The following CPSF1 variants were observed in gnomAD, a reference collection of about 807,000 sequenced individuals.
The protein encoded by CPSF1 is cleavage and polyadenylation specificity factor subunit 1.
In CPSF1, 106 loss-of-function variants were observed where a neutral mutation model predicts 175.8. That is an observed-to-expected ratio of 0.60 (90% confidence interval 0.52 to 0.71). The LOEUF is 0.71. CPSF1 is among the 30% of genes least tolerant of loss of function. The pLI, the probability that CPSF1 is intolerant of heterozygous loss-of-function variation, is 0.00. For missense variants in CPSF1, 1,734 were observed against 2,022.9 expected (o/e 0.86, Z 2.74); for synonymous variants, 1,024 against 858.3 (o/e 1.19, Z -3.37).
At chr8:144,408,364 A>G (rs1400720840) in intron 2 of CPSF1, among the ~76,000 whole-genome samples, 1 of 152,120 alleles carries the variant, frequency 6.6e-6, no homozygotes, top group Non-Finnish European at 1.5e-5. Flanking sequence ...CAATGGAGAA[A>G]CTGCCTCTTG....
chr8:144,395,965 TGTG>T (rs1489564614), intron 26 of CPSF1: 2 of 384,332 alleles, frequency 5.2e-6, no homozygotes, highest in African/African-American at 4.0e-5. Context: ...GACCTGGTGG[TGTG>T]GTGGCTTAAA....
In CPSF1 at chr8:144,400,016, A is replaced by G; in HGVS notation, c.1007T>C (p.Val336Ala). 6.2e-7 allele frequency: 1 copy of G among 1,611,922 alleles called. No individual in the cohort carries two copies. Residue 336 changes from valine (V) to alanine (A), a missense_variant, in exon 10 of 38, where the codon GTC (valine) becomes GCC (alanine). Around this residue, in one of 10 missense-constraint regions of CPSF1, gnomAD observed 162 missense variants for 169.5 expected, o/e 0.96. Coordinates refer to ENST00000616140, the MANE Select transcript of CPSF1 (RefSeq NM_013291.3). ...CATCTCGCCGCCCTTGAGGGAGATGACCATCTTGTCGTAGGAGATGAAGGT... is the reference window on the plus strand; with the variant it reads ...CATCTCGCCGCCCTTGAGGGAGATGGCCATCTTGTCGTAGGAGATGAAGGT... ...QATFISYDKM[V>A]ISLKGGEIYV... is the part of the protein sequence containing the mutation.
At chr8:144,400,137 C>T (rs2116871737) in intron 9 of CPSF1, 29 bp downstream of exon 9, 4 of 1,127,596 alleles carry the variant, frequency 3.5e-6, no homozygotes, top group African/African-American at 1.7e-5. Context: ...GTCCCCGGGC[C>T]CCCCCCGCCC....
At position 144,399,080 on chromosome 8, in the gene CPSF1, C is replaced by A. The variant is rs2116858240; in HGVS notation, c.1468-42G>T. The stretch of plus-strand genomic sequence containing the variant: ...GGTGAGGACTATGCCCCCCACCCCC[C>A]CTCACACTCCAGCCCCTGCCCCCAG... On this transcript the variant is annotated intron_variant, in intron 15 of 37. Transcript: ENST00000616140. The surrounding 1 kb of genome is among the most constrained non-coding windows in gnomAD (Gnocchi z 6.4). 19 of 1,546,860 alleles carry A rather than the reference C, an allele frequency of 1.2e-5. No homozygotes were observed. The highest frequency in any genetic ancestry group is 7.3e-5 in the East Asian group (3 of 40,860).
intron 2 of CPSF1, among the ~76,000 whole-genome samples, chr8:144,407,994 T>A (rs1821584301): frequency 6.6e-6 from 1 of 152,104 alleles, no homozygotes; most frequent in African/African-American, 2.4e-5. Context: ...GAGCAGAAAC[T>A]CCAGCCCTCG....
At position 144,393,380 on chromosome 8, in the gene CPSF1, A is replaced by AGAGTGGGT. The variant is rs782575869; in HGVS notation, c.4285-16_4285-15insACCCACTC. The stretch of plus-strand genomic sequence containing the variant: ...TCGTCCAGGATCTGCAGGGGATGGA[A>AGAGTGGGT]GGGTGGGTGGGTGGGTGGGTGGGGA... On this transcript the variant is annotated splice_polypyrimidine_tract_variant and intron_variant, in intron 37 of 37. Coordinates refer to ENST00000616140, the MANE Select transcript of CPSF1 (RefSeq NM_013291.3). The AGAGTGGGT allele has an allele frequency of 6.2e-4, 310 of 498,736 alleles. 2 individuals carry two copies. Among genetic ancestry groups the AGAGTGGGT allele is most frequent in the Middle Eastern group, 2.6e-3 (4 of 1,534 alleles). 30.9% of individuals were successfully genotyped at this position (498,736 alleles called of 1,614,324 possible). A position where few individuals can be genotyped will look rare whatever the true frequency, so the allele number is the denominator to read the frequency against.
chr8:144,404,792 C>G (rs1483289972), intron 2 of CPSF1, among the ~76,000 whole-genome samples: 1 of 151,924 alleles, frequency 6.6e-6, no homozygotes, highest in Admixed American at 6.6e-5. Context: ...CGTGGTGGCT[C>G]ACGCCTGTAA....
In CPSF1 at chr8:144,393,544, C is replaced by T; in HGVS notation, c.4192G>A (p.Val1398Met). 4.4e-6 allele frequency: 7 copies of T among 1,602,192 alleles called. No individual in the cohort carries two copies. The highest frequency in any genetic ancestry group is 6.0e-6 in the Non-Finnish European group (7 of 1,176,276). Residue 1398 changes from valine (V) to methionine (M), a missense_variant, in exon 37 of 38, where the codon GTG becomes ATG. Coordinates refer to ENST00000616140, the MANE Select transcript of CPSF1 (RefSeq NM_013291.3). ...CGGTTGAGCAGCTCCCCATCCAGCA[C>T]GTTGCGCACGGCATTCTGGAGGGTG... The part of the protein sequence containing the change: ...RRTLQNAVRN[V>M]LDGELLNRYL...
rs2116854107 is a variant in CPSF1, at chr8:144,398,737, C to A, written c.1638+42G>T. 3.8e-6 allele frequency: 6 copies of A among 1,590,436 alleles called. No individual in the cohort carries two copies. The African/African-American group carries it at 8.1e-5, about 21-fold the overall frequency. On this transcript the variant is annotated intron_variant, in intron 17 of 37. Transcript: ENST00000616140. ...CCCCCGGCCTATGAGAAGGCAGCGC[C>A]GGTCCCATCCCAGGGCCTCCCTGCA...
chr8:144,401,422 C>T lies in CPSF1; in HGVS notation c.306+8G>A. The T allele has an allele frequency of 6.2e-7, 1 of 1,613,980 alleles. No individual in the cohort carries two copies. The highest frequency in any genetic ancestry group is 1.1e-5 in the South Asian group (1 of 91,084). On this transcript the variant is annotated splice_region_variant and intron_variant, in intron 4 of 37. Transcript: ENST00000616140. ...GGCCAGGCCTACCCCACCAAGCCTA[C>T]CACTCACCTTGGCATCCTTGAAGCT...
Position 144,400,947 on chromosome 8 carries a change from C to T in CPSF1, c.516G>A (p.Glu172=). 1 of 1,606,322 alleles carries T rather than the reference C, an allele frequency of 6.2e-7. No individual in the cohort carries two copies. Residue 172 remains glutamate (E), a synonymous_variant, in exon 6 of 38, where the codon GAG becomes GAA. Coordinates refer to ENST00000616140, the MANE Select transcript of CPSF1 (RefSeq NM_013291.3). ...ACCCCTCACCCACGAGCCCCTCGTGCTCCTCAGCCAGGCTCTCCCTGCGGA... is the reference window on the plus strand; with the variant it reads ...ACCCCTCACCCACGAGCCCCTCGTGTTCCTCAGCCAGGCTCTCCCTGCGGA... ...LPFRRESLAE[E]HEGLVGEGQR...
In CPSF1 at chr8:144,395,366, G is replaced by A. The variant is rs782234106; in HGVS notation, c.3097-11C>T. 2.5e-6 allele frequency: 4 copies of A among 1,613,240 alleles called. No homozygotes were observed. In the African/African-American group the frequency reaches 4.0e-5, roughly 16 times the overall value. Reference sequence around the variant, plus strand: ...GGCCACAGCATACACCTGTGGGTTAGTGAGGGTCACACACCAGTGGCCCGG... The same window carrying A: ...GGCCACAGCATACACCTGTGGGTTAATGAGGGTCACACACCAGTGGCCCGG... On this transcript the variant is annotated splice_polypyrimidine_tract_variant and intron_variant, in intron 27 of 37. Transcript: ENST00000616140.
intron 21 of CPSF1, 30 bp from the exon 22 acceptor site, chr8:144,397,691 C>A: frequency 6.4e-7 from 1 of 1,563,532 alleles, no homozygotes; most frequent in Non-Finnish European, 8.7e-7. Context: ...CATGGGCGGC[C>A]TGCCAGCCCC....
Position 144,397,801 on chromosome 8 carries a change from G to C in CPSF1, c.2152C>G (p.Arg718Gly). Residue 718 changes from arginine to glycine, a missense_variant, in exon 21 of 38, where the codon CGT (arginine) becomes GGT (glycine). By Grantham distance (125) the Arg-to-Gly change is moderately radical. This residue lies in a region of CPSF1 where 585 missense variants were observed against 584.7 expected (regional missense o/e 1.00). Coordinates refer to ENST00000616140, the MANE Select transcript of CPSF1 (RefSeq NM_013291.3). The stretch of plus-strand genomic sequence containing the variant: ...CCACTGCGGCCCCCGAGCTCGTCAC[G>C]GGCCCCACCCAGGCGGCTCTCAGTG... The part of the protein sequence containing the change: ...FTTESRLGGA[R>G]DELGGRSGPE... The C allele has an allele frequency of 6.2e-7, 1 of 1,610,706 alleles. No individual in the cohort carries two copies. Among genetic ancestry groups the C allele is most frequent in the East Asian group, 2.2e-5 (1 of 44,838 alleles).
At chr8:144,397,005 G>A (rs1820806901) in intron 23 of CPSF1, 76 bp from the exon 24 acceptor site, 1 of 1,175,222 alleles carries the variant, frequency 8.5e-7, no homozygotes, top group African/African-American at 1.5e-5. Flanking sequence ...GAAGAGGTGG[G>A]CTGTGGGTAA....
intron 27 of CPSF1, 27 bp downstream of exon 27, chr8:144,395,408 C>G: frequency 6.3e-7 from 1 of 1,579,778 alleles, no homozygotes; most frequent in East Asian, 2.3e-5. Context: ...CCAGAAGGTC[C>G]CTGGTGGGGT....
At position 144,400,272 on chromosome 8, in the gene CPSF1, C is replaced by T. The variant is rs2116874089; in HGVS notation, c.831G>A (p.Gly277=). 2 of 1,604,064 alleles carry T rather than the reference C, an allele frequency of 1.2e-6. No homozygotes were observed. Among genetic ancestry groups the T allele is most frequent in the Admixed American group, 3.3e-5 (2 of 59,714 alleles). The stretch of plus-strand genomic sequence containing the variant: ...GCGAGTTGACGGCAAACACCACCAC[C>T]CCACCTGGAGGTGGACACAGGCTGG... ...QALAVPKPIG[G]VVVFAVNSLL... The change falls in exon 9 of 38, where the codon GGG becomes GGA. Residue 277 remains glycine, a synonymous_variant. Transcript: ENST00000616140.
intron 2 of CPSF1, 56 bp from the exon 3 acceptor site, chr8:144,401,729 T>C: frequency 6.5e-7 from 1 of 1,545,140 alleles, no homozygotes; most frequent in Non-Finnish European, 8.8e-7. Context: ...GCTCACCTCA[T>C]CCGGGGAACG....
chr8:144,408,294 TG>T (rs1814009305), intron 2 of CPSF1, among the ~76,000 whole-genome samples: 1 of 152,194 alleles, frequency 6.6e-6, no homozygotes. Flanking sequence ...TTCTTCTGCC[TG>T]GAACACCCTC....
Sources: gnomAD v4.1 joint callset for allele counts (sites outside exome capture counted in the v4.1 genomes callset) on GRCh38, gnomAD v4.1.1 for gene constraint, gnomAD v4.1.1 regional missense constraint, Gnocchi (gnomAD v3.1) non-coding constraint, MANE v1.5 for transcripts, NCBI Gene and HGNC (gene_info 2026-07-23, HGNC 2026-07-21) for gene names.